Variants in NR4A1 observed in about 807,000 individuals in gnomAD.
The protein encoded by NR4A1 is nuclear receptor subfamily 4 group A member 1, also known as nuclear receptor subfamily 4immunitygroup A member 1.
NR4A1 carries 24 observed loss-of-function variants against 47.5 expected under a neutral mutation model. That is an observed-to-expected ratio of 0.50 (90% CI 0.37 to 0.71). NR4A1 has a LOEUF of 0.71. Ranked by LOEUF, NR4A1 falls within the 30% of genes least tolerant of loss-of-function variation. NR4A1 has a pLI of 0.00. For synonymous variants in NR4A1, 353 were observed against 345.7 expected, an observed-to-expected ratio of 1.02 and a Z score of -0.24; for missense variants, 669 against 788.6, an observed-to-expected ratio of 0.85 and a Z score of 1.82.
In NR4A1 at chr12:52,059,212, C is replaced by T. The variant is rs1031416693; in HGVS notation, c.*268C>T. The T allele has an allele frequency of 3.0e-5, 14 of 470,260 alleles. No homozygotes were observed. In the Middle Eastern group the frequency reaches 1.7e-3, roughly 56 times the overall value. The allele number at this position is 470,260 out of a possible 1,614,324, so 29.1% of individuals were successfully genotyped here. Reference sequence around the variant, plus strand: ...AAGATAAACCGTTTTTAACACATAGCGCCGTGCTGTAAATAAGCCCAGTGC... The same window carrying T: ...AAGATAAACCGTTTTTAACACATAGTGCCGTGCTGTAAATAAGCCCAGTGC... On this transcript the variant is annotated 3_prime_UTR_variant, in exon 7 of 7. Coordinates refer to ENST00000394825, the MANE Select transcript of NR4A1 (RefSeq NM_173157.3).
chr12:52,058,559 T>C (rs2120551840), intron 6 of NR4A1, 129 bp from the exon 7 acceptor site: 3 of 1,223,062 alleles, frequency 2.5e-6, no homozygotes, highest in Non-Finnish European at 3.3e-6. Flanking sequence ...AACATGTGAA[T>C]GCGCTTTTGT....
At chr12:52,033,429 T>C (rs1938173218) in intron 1 of NR4A1, among the ~76,000 whole-genome samples, 1 of 152,250 alleles carries the variant, frequency 6.6e-6, no homozygotes, top group African/African-American at 2.4e-5. Context: ...ACGAGCATGT[T>C]TGATTTTGTA....
intron 1 of NR4A1, chr12:52,037,914 T>C (rs553440357): frequency 3.1e-6 from 3 of 981,690 alleles, no homozygotes; most frequent in Non-Finnish European, 3.6e-6. Context: ...GTTTTTTTGT[T>C]GTTGTTTTGT....
intron 1 of NR4A1, among the ~76,000 whole-genome samples, chr12:52,039,866 C>T (rs1394880108): frequency 6.6e-6 from 1 of 152,134 alleles, no homozygotes; most frequent in Non-Finnish European, 1.5e-5. Context: ...GAGAAAGAGC[C>T]AGTTCTGGGC....
At chr12:52,037,607 G>A (rs986572088) in intron 1 of NR4A1, 11 of 985,366 alleles carry the variant, frequency 1.1e-5, no homozygotes, top group South Asian at 4.7e-5. Flanking sequence ...CTGGCTCCGA[G>A]TCAGCCCCCA....
intron 1 of NR4A1, among the ~76,000 whole-genome samples, chr12:52,034,968 T>A (rs1449760699): frequency 6.6e-6 from 1 of 152,156 alleles, no homozygotes; most frequent in Non-Finnish European, 1.5e-5. Flanking sequence ...GATAGGTTTC[T>A]TATCATCTTT....
intron 2 of NR4A1, 159 bp downstream of exon 2, chr12:52,055,363 C>T (rs188623500): frequency 2.0e-5 from 17 of 859,770 alleles, no homozygotes; most frequent in African/African-American, 3.4e-5. Context: ...CCTGGAGACC[C>T]GTAGATGCCA....
rs1423338163 is a variant in NR4A1, at chr12:52,054,859, G to A, written c.531G>A (p.Leu177=). 2 of 1,613,990 alleles carry A rather than the reference G, an allele frequency of 1.2e-6. No individual in the cohort carries two copies. Among genetic ancestry groups the A allele is most frequent in the African/African-American group, 1.3e-5 (1 of 75,064 alleles). The change falls in exon 2 of 7, where the codon CTG becomes CTA. Residue 177 remains leucine (L), a synonymous_variant. Coordinates refer to ENST00000394825, the MANE Select transcript of NR4A1 (RefSeq NM_173157.3). Reference sequence around the variant, plus strand: ...GCCTGCGGGCATGGACAGAGCAGCTGCCCAAAGCCTCTGGGCCCCCACAGC... The same window carrying A: ...GCCTGCGGGCATGGACAGAGCAGCTACCCAAAGCCTCTGGGCCCCCACAGC... The part of the protein sequence containing the change: ...YEGLRAWTEQ[L]PKASGPPQPP...
chr12:52,038,316 G>C (rs12316729), intron 1 of NR4A1: 4,380 of 184,100 alleles, frequency 0.024, 104 homozygotes, highest in African/African-American at 0.064. Context: ...GCCTGCCTCG[G>C]CCTCCTAAAG....
intron 1 of NR4A1, among the ~76,000 whole-genome samples, chr12:52,023,911 C>T (rs1304718596): frequency 6.6e-6 from 1 of 152,248 alleles, no homozygotes; most frequent in African/African-American, 2.4e-5. Flanking sequence ...TCACCTCGCC[C>T]CCGGCCCGGC....
chr12:52,041,898 G>A lies in NR4A1; in HGVS notation c.6G>A (p.Trp2Ter). The change falls in exon 2 of 8, where the codon TGG becomes TGA. Residue 2 changes from tryptophan to a stop codon, truncating the protein, a stop_gained. Transcript: ENST00000360284. LOFTEE classifies it high-confidence loss of function. ...CCCTGAAGGCAGACGGGATAATGTG[G>A]TTGGCCAAGGCCTGTTGGTCCATCC... 6.6e-7 allele frequency: 1 copy of A among 1,521,742 alleles called. No homozygotes were observed. The highest frequency in any genetic ancestry group is 8.8e-7 in the Non-Finnish European group (1 of 1,138,890). 94.3% of individuals were successfully genotyped at this position (1,521,742 alleles called of 1,614,324 possible).
chr12:52,025,708 C>G (rs1937987164), intron 1 of NR4A1, among the ~76,000 whole-genome samples: 1 of 152,194 alleles, frequency 6.6e-6, no homozygotes, highest in Non-Finnish European at 1.5e-5. Context: ...TTCCGAGGTT[C>G]TTTTCCTCTG....
intron 2 of NR4A1, chr12:52,043,844 G>T (rs923693456): frequency 5.4e-6 from 7 of 1,288,924 alleles, no homozygotes; most frequent in Non-Finnish European, 7.1e-6. Flanking sequence ...CCAATCTTGG[G>T]ATTCTCCCTT....
At chr12:52,026,007 G>A (rs1937992640) in intron 1 of NR4A1, among the ~76,000 whole-genome samples, 1 of 152,214 alleles carries the variant, frequency 6.6e-6, no homozygotes, top group African/African-American at 2.4e-5. Flanking sequence ...GCACGCCCTG[G>A]GTGCATCATC....
upstream of NR4A1, among the ~76,000 whole-genome samples, chr12:52,047,962 G>T (rs188552597): frequency 6.7e-3 from 1,015 of 152,010 alleles, 12 homozygotes; most frequent in African/African-American, 0.023. Flanking sequence ...AGACTATCCT[G>T]GTTAACACGG....
intron 1 of NR4A1, 167 bp from the exon 2 acceptor site, chr12:52,054,160 G>C: frequency 1.6e-6 from 1 of 625,266 alleles, no homozygotes; most frequent in South Asian, 2.0e-5. Context: ...ATGGTACTCA[G>C]GCCAGGGGTC....
chr12:52,045,604 T>A (rs1380095379), intron 2 of NR4A1: 1 of 444,110 alleles, frequency 2.3e-6, no homozygotes, highest in Non-Finnish European at 4.5e-6. Context: ...ATTAGGCAGA[T>A]GAGGAAGCAG....
At chr12:52,054,085 G>A in intron 1 of NR4A1, 4 of 531,752 alleles carry the variant, frequency 7.5e-6, no homozygotes, top group Non-Finnish European at 1.3e-5. Context: ...GGGTGTGGCT[G>A]GCCTTCTGAT....
At chr12:52,049,051 G>A (rs1938790621), upstream of NR4A1, among the ~76,000 whole-genome samples, 8 of 152,120 alleles carry the variant, frequency 5.3e-5, no homozygotes, top group South Asian at 1.5e-3. Flanking sequence ...ATGCATTCAC[G>A]TTGAGACTGT....
Sources: allele counts gnomAD v4.1 joint callset (sites outside exome capture counted in the v4.1 genomes callset), GRCh38; gene constraint gnomAD v4.1.1; transcripts MANE v1.5; gene names NCBI Gene and HGNC (gene_info 2026-07-23, HGNC 2026-07-21).